The following CORO2B variants were observed in gnomAD, a reference collection of about 807,000 sequenced individuals.
CORO2B encodes the protein coronin 2B.
CORO2B carries 26 observed loss-of-function variants against 58.8 expected under a neutral mutation model. The ratio of observed to expected loss-of-function variants is 0.44; its 90% CI spans 0.32 to 0.61. The LOEUF (loss-of-function observed/expected upper bound fraction) is 0.61. Ranked by LOEUF, CORO2B falls within the 20% of genes least tolerant of loss-of-function variation. The probability of loss-of-function intolerance (pLI) is 0.04; values close to 1 mark genes in which losing one functional copy is unlikely to be tolerated. For missense variants in CORO2B, 460 were observed against 645.1 expected, an observed-to-expected ratio of 0.71 and a Z score of 3.11; for synonymous variants, 242 against 253.8, an observed-to-expected ratio of 0.95 and a Z score of 0.44.
At chr15:68,521,609 A>G in the CORO2B span, among the ~76,000 whole-genome samples, 1 of 152,166 alleles carries the variant, frequency 6.6e-6, no homozygotes, top group South Asian at 2.1e-4. Flanking sequence ...ACACTTTGAA[A>G]GTTTTTACAC....
chr15:68,640,434 A>T (rs1461861661), intron 1 of CORO2B, among the ~76,000 whole-genome samples: 1 of 152,180 alleles, frequency 6.6e-6, no homozygotes, highest in Non-Finnish European at 1.5e-5. Context: ...GCCCTGAAGC[A>T]TCATGAGACA....
At chr15:68,563,219 G>A in the CORO2B span, among the ~76,000 whole-genome samples, 1 of 152,064 alleles carries the variant, frequency 6.6e-6, no homozygotes, top group Admixed American at 6.6e-5. Flanking sequence ...CAGGCACCAT[G>A]GCTCACACCT....
the CORO2B span, among the ~76,000 whole-genome samples, chr15:68,520,032 G>T: frequency 6.6e-6 from 1 of 152,082 alleles, no homozygotes. Context: ...TTAAATCTAT[G>T]TATTATATGA....
chr15:68,623,431 G>A (rs1019203636), intron 1 of CORO2B, among the ~76,000 whole-genome samples: 8 of 152,162 alleles, frequency 5.3e-5, no homozygotes, highest in African/African-American at 1.2e-4. Context: ...GAAGCCTGAC[G>A]TGAGTGACAG....
At chr15:68,653,840 T>G (rs1167009132) in intron 2 of CORO2B, among the ~76,000 whole-genome samples, 1 of 120,688 alleles carries the variant, frequency 8.3e-6, no homozygotes, top group Admixed American at 9.9e-5. Context: ...ACTGAGCTCC[T>G]CAAACCTTCT....
intron 2 of CORO2B, among the ~76,000 whole-genome samples, chr15:68,679,806 A>G (rs889449173): frequency 4.6e-5 from 7 of 152,228 alleles, no homozygotes; most frequent in Admixed American, 3.9e-4. Flanking sequence ...GGGACTGGTC[A>G]TCTCAGCATG....
intron 2 of CORO2B, 70 bp from the exon 3 acceptor site, chr15:68,695,070 G>C (rs1892476209): frequency 8.8e-7 from 1 of 1,142,026 alleles, no homozygotes; most frequent in Non-Finnish European, 1.3e-6. Context: ...GAAAAAAGGT[G>C]CTCCATTCAA....
At chr15:68,540,299 C>T in the CORO2B span, among the ~76,000 whole-genome samples, 1 of 152,194 alleles carries the variant, frequency 6.6e-6, no homozygotes, top group Non-Finnish European at 1.5e-5. Flanking sequence ...CATCACGACC[C>T]ATCACAATGT....
intron 2 of CORO2B, among the ~76,000 whole-genome samples, chr15:68,678,129 C>G (rs1483481028): frequency 6.6e-6 from 1 of 152,232 alleles, no homozygotes; most frequent in Admixed American, 6.5e-5. Flanking sequence ...ATGACTTGTA[C>G]AGCACCCGTG....
chr15:68,575,966 A>G (rs1389894769), upstream of CORO2B, among the ~76,000 whole-genome samples: 1 of 151,756 alleles, frequency 6.6e-6, no homozygotes, highest in Non-Finnish European at 1.5e-5. Context: ...CAGCCTGGCC[A>G]ACATAGTGAA....
intron 1 of CORO2B, among the ~76,000 whole-genome samples, chr15:68,597,568 C>T (rs1387633011): frequency 6.6e-6 from 1 of 151,756 alleles, no homozygotes; most frequent in Non-Finnish European, 1.5e-5. Flanking sequence ...GGCTGTTTGG[C>T]CTCTCAAAAG....
At chr15:68,604,027 A>G (rs920841834) in intron 1 of CORO2B, among the ~76,000 whole-genome samples, 3 of 152,222 alleles carry the variant, frequency 2.0e-5, no homozygotes, top group Non-Finnish European at 4.4e-5. Flanking sequence ...CTGTGGAGTC[A>G]AGACTGCTGG....
intron 2 of CORO2B, among the ~76,000 whole-genome samples, chr15:68,646,292 G>C (rs28526517): frequency 0.022 from 3,380 of 152,316 alleles, 131 homozygotes; most frequent in African/African-American, 0.077. Context: ...TTCAGGGAAA[G>C]TGCTTGCTGT....
At chr15:68,686,905 A>C (rs1298563339) in intron 2 of CORO2B, among the ~76,000 whole-genome samples, 21 of 152,142 alleles carry the variant, frequency 1.4e-4, no homozygotes, top group Non-Finnish European at 2.9e-5. Context: ...GTCTCAAAAA[A>C]AAAAAAAGAA....
intron 1 of CORO2B, among the ~76,000 whole-genome samples, chr15:68,629,347 A>G (rs1383566425): frequency 6.6e-6 from 1 of 152,234 alleles, no homozygotes; most frequent in African/African-American, 2.4e-5. Context: ...AATCCAGTCC[A>G]CATTCCACTC....
chr15:68,670,240 T>TA (rs147349831), intron 2 of CORO2B, among the ~76,000 whole-genome samples: 1,572 of 152,198 alleles, frequency 0.01, 27 homozygotes, highest in African/African-American at 0.036. Context: ...AGTGGCGTGA[T>TA]ATTAGCTCAC....
chr15:68,711,485 A>G, intron 4 of CORO2B, 57 bp from the exon 5 acceptor site: 1 of 1,521,330 alleles, frequency 6.6e-7, no homozygotes, highest in South Asian at 1.2e-5. Flanking sequence ...ACTGGGGACA[A>G]ACACCCCAGG....
At chr15:68,552,476 G>A in the CORO2B span, among the ~76,000 whole-genome samples, 1 of 104,240 alleles carries the variant, frequency 9.6e-6, no homozygotes, top group Non-Finnish European at 2.1e-5. Context: ...ACGCGGGGGG[G>A]TGGGGGGGGC....
the CORO2B span, among the ~76,000 whole-genome samples, chr15:68,570,532 G>A: frequency 6.6e-6 from 1 of 152,202 alleles, no homozygotes; most frequent in Non-Finnish European, 1.5e-5. Flanking sequence ...AATATCAGAG[G>A]CTAAGATTTT....
Sources: allele counts gnomAD v4.1 joint callset (sites outside exome capture counted in the v4.1 genomes callset), GRCh38; gene constraint gnomAD v4.1.1; transcripts MANE v1.5; gene names NCBI Gene and HGNC (gene_info 2026-07-23, HGNC 2026-07-21).